The following RO60 variants were observed in gnomAD, a reference collection of about 807,000 sequenced individuals.
The protein encoded by RO60 is RNA-binding protein RO60.
In RO60, 20 loss-of-function variants were observed where a neutral mutation model predicts 55.3. The observed-to-expected ratio is 0.36, with a 90% CI of 0.25 to 0.53. The LOEUF (loss-of-function observed/expected upper bound fraction) is 0.53. RO60 is among the 20% of genes least tolerant of loss of function. The pLI, the probability that RO60 is intolerant of heterozygous loss-of-function variation, is 0.92. For synonymous variants in RO60, 213 were observed against 213.6 expected (o/e 1.00, Z 0.02); for missense variants, 558 against 646.6 (o/e 0.86, Z 1.49).
chr1:193,080,090 C>T (rs972107861), intron 5 of RO60, among the ~76,000 whole-genome samples: 6 of 151,850 alleles, frequency 4.0e-5, no homozygotes, highest in South Asian at 4.2e-4. Context: ...GAGATTGTGC[C>T]GTTGCACTCC....
rs1257207584 is a variant in RO60, at chr1:193,090,034, G to C, written c.*5303G>C. ...TTGGTCAGGCTGGCCTCGATCTCGT[G>C]ACCTCGTGATCTGTCCGCCTCGGCC... On this transcript the variant is annotated 3_prime_UTR_variant, in exon 9 of 9. Transcript: ENST00000400968. The C allele has an allele frequency of 1.3e-5, 2 of 152,154 alleles. No homozygotes were observed. The highest frequency in any genetic ancestry group is 2.9e-5 in the Non-Finnish European group (2 of 68,048). 9.4% of individuals were successfully genotyped at this position (152,154 alleles called of 1,614,324 possible). A position where few individuals can be genotyped will look rare whatever the true frequency, so the allele number is the denominator to read the frequency against.
At chr1:193,091,764 C>G, downstream of RO60, 1 of 1,197,660 alleles carries the variant, frequency 8.3e-7, no homozygotes. Flanking sequence ...CAAATAAACT[C>G]TATGCACATT....
In RO60 at chr1:193,089,018, A is replaced by G. The variant is rs1674744819; in HGVS notation, c.*4287A>G. 6.6e-6 allele frequency: 1 copy of G among 152,178 alleles called. No individual in the cohort carries two copies. Among genetic ancestry groups the G allele is most frequent in the African/African-American group, 2.4e-5 (1 of 41,450 alleles). The allele number at this position is 152,178 out of a possible 1,614,324, so 9.4% of individuals were successfully genotyped here. ...TGCAGATTGCTTTTTGTTTCATACA[A>G]GTATAAGATCATATTTTCTTTTTCA... On this transcript the variant is annotated 3_prime_UTR_variant, in exon 9 of 9. Transcript: ENST00000400968.
At chr1:193,065,147 A>G (rs766840045) in intron 1 of RO60, among the ~76,000 whole-genome samples, 61 of 152,186 alleles carry the variant, frequency 4.0e-4, no homozygotes, top group Non-Finnish European at 7.6e-4. Flanking sequence ...CCAATTGTGC[A>G]TAATTATTTG....
chr1:193,082,763 A>ATT (rs201236241), intron 8 of RO60, 55 bp downstream of exon 8: 5,974 of 1,140,070 alleles, frequency 5.2e-3, no homozygotes, highest in Non-Finnish European at 5.8e-3. Context: ...TTAATACTTG[A>ATT]TTTTTTTTTT....
In RO60 at chr1:193,078,662, A is replaced by C. The variant is rs553936969; in HGVS notation, c.1086+1612A>C. Among the ~76,000 whole-genome samples, 71 of 152,122 alleles carry C rather than the reference A, an allele frequency of 4.7e-4. No homozygotes were observed. In the South Asian group the frequency reaches 7.3e-3, roughly 16 times the overall value. ...CATCAAAAAATAAAAGACAGGAGTA[A>C]ATTTAAGAAGCTGTAAGACTTATAC... is the stretch of plus-strand genomic sequence containing the variant. On this transcript the variant is annotated intron_variant, in intron 5 of 8. Coordinates refer to ENST00000400968, the MANE Select transcript of RO60 (RefSeq NM_001173524.2).
intron 1 of RO60, among the ~76,000 whole-genome samples, chr1:193,068,023 T>A (rs1287742764): frequency 6.6e-6 from 1 of 152,172 alleles, no homozygotes; most frequent in East Asian, 1.9e-4. Flanking sequence ...CAGGCATCAC[T>A]TGCAAATGAA....
chr1:193,069,288 G>C lies in RO60; in HGVS notation c.234G>C (p.Lys78Asn). ...GRGCEVIQEI[K>N]SFSQEGRTTK... The stretch of plus-strand genomic sequence containing the variant: ...GATGTGAAGTGATACAAGAAATAAA[G>C]TCATTTAGTCAAGAAGGCAGAACCA... The change falls in exon 2 of 9, where the codon AAG becomes AAC. Residue 78 changes from lysine (K) to asparagine (N), a missense_variant. Coordinates refer to ENST00000400968, the MANE Select transcript of RO60 (RefSeq NM_001173524.2). 1 of 1,614,204 alleles carries C rather than the reference G, an allele frequency of 6.2e-7. No homozygotes were observed. Among genetic ancestry groups the C allele is most frequent in the Non-Finnish European group, 8.5e-7 (1 of 1,180,038 alleles).
At chr1:193,081,770 A>C (rs1198436830) in intron 6 of RO60, among the ~76,000 whole-genome samples, 1 of 151,864 alleles carries the variant, frequency 6.6e-6, no homozygotes, top group East Asian at 1.9e-4. Flanking sequence ...TGAAAAAAAG[A>C]CAAATTTTTT....
rs372098871 is a variant in RO60, at chr1:193,075,883, A to G, written c.644A>G (p.Glu215Gly). The change falls in exon 3 of 9, where the codon GAA becomes GGA. Residue 215 changes from glutamate to glycine, a missense_variant. Glu to Gly is a moderately conservative substitution (Grantham distance 98, BLOSUM62 -2). Transcript: ENST00000400968. ...GWKEVHELYK[E>G]KALSVETEKL... The stretch of plus-strand genomic sequence containing the variant: ...AAAGAAGTTCATGAATTGTATAAAG[A>G]AAAAGCACTCTCTGTGGAGACTGAA... 9 of 1,612,982 alleles carry G rather than the reference A, an allele frequency of 5.6e-6. No individual in the cohort carries two copies. The Admixed American group carries it at 6.7e-5, about 12-fold the overall frequency.
At position 193,089,807 on chromosome 1, in the gene RO60, CTTTTTTTT is replaced by C. The variant is rs967424915; in HGVS notation, c.*5086_*5093del. 3 of 134,666 alleles carry C rather than the reference CTTTTTTTT, an allele frequency of 2.2e-5. No individual in the cohort carries two copies. Among genetic ancestry groups the C allele is most frequent in the Non-Finnish European group, 4.8e-5 (3 of 62,888 alleles). 8.3% of individuals were successfully genotyped at this position (134,666 alleles called of 1,614,324 possible). ...TGAACATAAATGATATTTAACTTTTCTTTTTTTTTTTTTTTTTGAGACAGAGTCTCACT... is the reference window on the plus strand; with the variant it reads ...TGAACATAAATGATATTTAACTTTTCTTTTTTTTTGAGACAGAGTCTCACT... On this transcript the variant is annotated 3_prime_UTR_variant, in exon 9 of 9. Transcript: ENST00000400968.
chr1:193,081,310 A>G (rs534307260), intron 5 of RO60, 54 bp from the exon 6 acceptor site: 20 of 998,084 alleles, frequency 2.0e-5, no homozygotes, highest in African/African-American at 1.8e-4. Context: ...TTAGAAATTT[A>G]GTCTACTTAT....
chr1:193,064,801 T>G (rs1673005621), intron 1 of RO60, among the ~76,000 whole-genome samples: 1 of 152,208 alleles, frequency 6.6e-6, no homozygotes, highest in Non-Finnish European at 1.5e-5. Context: ...TAACTTTATT[T>G]CTTCTAATAG....
chr1:193,066,840 A>C (rs148105234), intron 1 of RO60, among the ~76,000 whole-genome samples: 75 of 152,274 alleles, frequency 4.9e-4, no homozygotes, highest in Non-Finnish European at 9.3e-4. Context: ...TCTTTTCTAG[A>C]ATATAAAGAC....
chr1:193,070,863 G>A (rs995169319), intron 2 of RO60, among the ~76,000 whole-genome samples: 1 of 152,062 alleles, frequency 6.6e-6, no homozygotes, highest in Non-Finnish European at 1.5e-5. Flanking sequence ...ATATTTATAT[G>A]TATAAACATT....
intron 1 of RO60, chr1:193,060,110 C>G: frequency 8.2e-7 from 1 of 1,213,056 alleles, no homozygotes; most frequent in Non-Finnish European, 1.1e-6. Context: ...TCCTCCTTCT[C>G]CCGCGGCTTC....
chr1:193,059,840 G>T lies in RO60; in HGVS notation c.-22+64G>T. Reference sequence around the variant, plus strand: ...GCGGCCCCAGGGACGCGCAAATTCTGACCAGTCCTCCATGTCTCTCACCCG... The same window carrying T: ...GCGGCCCCAGGGACGCGCAAATTCTTACCAGTCCTCCATGTCTCTCACCCG... On this transcript the variant is annotated intron_variant, in intron 1 of 8. Transcript: ENST00000400968. This position sits in a 1 kb window ranked among gnomAD's most constrained non-coding sequence, Gnocchi z 4.9. 1 of 1,361,468 alleles carries T rather than the reference G, an allele frequency of 7.3e-7. No individual in the cohort carries two copies. Among genetic ancestry groups the T allele is most frequent in the Non-Finnish European group, 9.8e-7 (1 of 1,019,640 alleles). The allele number at this position is 1,361,468 out of a possible 1,614,324, so 84.3% of individuals were successfully genotyped here.
chr1:193,063,948 C>G (rs1410445065), intron 1 of RO60, among the ~76,000 whole-genome samples: 2 of 151,752 alleles, frequency 1.3e-5, no homozygotes, highest in Non-Finnish European at 2.9e-5. Flanking sequence ...ACACATATGG[C>G]AAGGTCTGGG....
At chr1:193,081,291 AAAT>A in intron 5 of RO60, 70 bp from the exon 6 acceptor site, 1 of 828,162 alleles carries the variant, frequency 1.2e-6, no homozygotes, top group South Asian at 1.8e-5. Flanking sequence ...TAAGATAAGT[AAAT>A]ATGATTTAGA....
Sources: gnomAD v4.1 joint callset for allele counts (sites outside exome capture counted in the v4.1 genomes callset) on GRCh38, gnomAD v4.1.1 for gene constraint, Gnocchi (gnomAD v3.1) non-coding constraint, MANE v1.5 for transcripts, NCBI Gene and HGNC (gene_info 2026-07-23, HGNC 2026-07-21) for gene names.